The following URGCP variants were observed in gnomAD, a reference collection of about 807,000 sequenced individuals.
URGCP encodes up-regulator of cell proliferation.
Under a neutral mutation model 24.6 loss-of-function variants are expected in URGCP, and 13 were observed. That is an observed-to-expected ratio of 0.53 (90% CI 0.34 to 0.84). The LOEUF is 0.84. URGCP is among the 40% of genes least tolerant of loss of function. The pLI, the probability that URGCP is intolerant of heterozygous loss-of-function variation, is 0.01. For synonymous variants in URGCP, 444 were observed against 487.2 expected (o/e 0.91, Z 1.17); for missense variants, 899 against 1,194.3 (o/e 0.75, Z 3.64).
exon 1 of URGCP, chr7:43,926,369 C>A: frequency 2.5e-6 from 1 of 405,314 alleles, no homozygotes; most frequent in Non-Finnish European, 3.7e-6. Flanking sequence ...TTCCCCTCGG[C>A]CGCGCCAGGA....
intron 1 of URGCP, among the ~76,000 whole-genome samples, chr7:43,897,847 G>A (rs544476063): frequency 6.6e-6 from 1 of 152,272 alleles, no homozygotes; most frequent in South Asian, 2.1e-4. Flanking sequence ...CATCTGTGAA[G>A]GACTGCAACA....
chr7:43,913,490 T>C (rs1013124171), intron 1 of URGCP, among the ~76,000 whole-genome samples: 27 of 152,094 alleles, frequency 1.8e-4, no homozygotes, highest in African/African-American at 6.5e-4. Flanking sequence ...AGTGCTGGGA[T>C]TATAGGCGTG....
upstream of URGCP, chr7:43,906,738 G>A (rs2095904068): frequency 6.0e-6 from 1 of 166,602 alleles, no homozygotes; most frequent in Non-Finnish European, 1.2e-5. Flanking sequence ...GGTCCTCTCG[G>A]AGCAGCCCGG....
intron 1 of URGCP, among the ~76,000 whole-genome samples, chr7:43,920,489 G>A (rs562310599): frequency 1.3e-5 from 2 of 152,298 alleles, no homozygotes; most frequent in African/African-American, 4.8e-5. Context: ...CTTGAACCTG[G>A]GAGGCGGAGG....
rs369206269 is a variant in URGCP, at chr7:43,877,462, C to A, written c.2001G>T (p.Thr667=). Residue 667 remains threonine, a synonymous_variant, in exon 6 of 6, where the codon ACG becomes ACT. Transcript: ENST00000453200. ...TGACCCAGCGGACGGGCATGCTCAGCGTGCTCCCATCGATTAGCTCCAGAG... is the reference window on the plus strand; with the variant it reads ...TGACCCAGCGGACGGGCATGCTCAGAGTGCTCCCATCGATTAGCTCCAGAG... The part of the protein sequence containing the change: ...GLPLELIDGS[T]LSMPVRWVTG... The A allele has an allele frequency of 1.9e-6, 3 of 1,613,546 alleles. No individual in the cohort carries two copies. In the East Asian group the frequency reaches 6.7e-5, roughly 36 times the overall value.
upstream of URGCP, chr7:43,926,637 A>T (rs2095931422): frequency 1.4e-6 from 2 of 1,407,656 alleles, no homozygotes; most frequent in South Asian, 2.9e-5. Flanking sequence ...GTGAAGTGAA[A>T]GGTGACGGAG....
At chr7:43,906,443 C>T (rs1415666670) in intron 1 of URGCP, 119 bp downstream of exon 1, 16 of 1,027,816 alleles carry the variant, frequency 1.6e-5, no homozygotes, top group Non-Finnish European at 3.5e-6. Flanking sequence ...GGCGGGGGCG[C>T]CCCTGGCCGG....
At chr7:43,919,664 C>G in intron 1 of URGCP, 1 of 1,374,188 alleles carries the variant, frequency 7.3e-7, no homozygotes, top group Non-Finnish European at 1.0e-6. Context: ...CCATCCTCAA[C>G]ACCATCCAGG....
At position 43,883,346 on chromosome 7, in the gene URGCP, ATATATATATATATATATTTT is replaced by A. The variant is rs1163664170; in HGVS notation, c.113-1409_113-1390del. 5.2e-3 allele frequency among the ~76,000 whole-genome samples: 496 copies of A among 95,912 alleles called. 3 individuals carry two copies. Among genetic ancestry groups the A allele is most frequent in the African/African-American group, 0.029 (475 of 16,282 alleles). The allele number at this position is 95,912 out of a possible 152,430, so 62.9% of individuals were successfully genotyped here. ...AATATATATATATATACATATATAT[ATATATATATATATATATTTT>A]TTTTTTTTTTTTGAGATGGAGTCTT... is the stretch of plus-strand genomic sequence containing the variant. On this transcript the variant is annotated intron_variant, in intron 3 of 5. Transcript: ENST00000453200.
intron 3 of URGCP, chr7:43,882,163 G>A (rs1320853377): frequency 1.4e-6 from 1 of 690,698 alleles, no homozygotes; most frequent in Non-Finnish European, 2.2e-6. Flanking sequence ...ATTAGGCCAG[G>A]CATGGTGGCT....
At chr7:43,893,951 C>G (rs2095874750) in intron 1 of URGCP, among the ~76,000 whole-genome samples, 1 of 151,978 alleles carries the variant, frequency 6.6e-6, no homozygotes, top group African/African-American at 2.4e-5. Context: ...AGTAGCTATA[C>G]TTAGACAAAA....
At chr7:43,883,640 C>G (rs182789001) in intron 3 of URGCP, among the ~76,000 whole-genome samples, 1 of 151,974 alleles carries the variant, frequency 6.6e-6, no homozygotes, top group Non-Finnish European at 1.5e-5. Context: ...GGATTACAGG[C>G]GTGAGCCACC....
Position 43,914,696 on chromosome 7 carries a change from A to G in URGCP, c.-116+11436T>C, listed in dbSNP as rs11974305. 2.2e-3 allele frequency among the ~76,000 whole-genome samples: 339 copies of G among 152,294 alleles called. 2 individuals carry two copies. The highest frequency in any genetic ancestry group is 8.7e-3 in the East Asian group (45 of 5,180). ...CAGATTTGGTAATTTCCATTGTTCT[A>G]TCTCCAAGTTCACAGATTCTTTTCT... On this transcript the variant is annotated intron_variant, in intron 1 of 5. Transcript: ENST00000426198.
At position 43,887,438 on chromosome 7, in the gene URGCP, C is replaced by T; in HGVS notation, c.89G>A (p.Arg30Lys). Residue 30 changes from arginine to lysine, a missense_variant, in exon 3 of 6, where the codon AGA (arginine) becomes AAA (lysine). Physicochemically the swap from Arg to Lys is conservative, Grantham distance 26. Transcript: ENST00000453200. ...EVAPEIKASERRTAVAIADLE... is the reference protein window; with the variant it reads ...EVAPEIKASEKRTAVAIADLE... ...ACCTGCAATGGCCACAGCTGTTCGT[C>T]TCTCTGATGCTTTTATTTCTGGGGC... The T allele has an allele frequency of 6.2e-7, 1 of 1,613,938 alleles. No homozygotes were observed.
intron 1 of URGCP, among the ~76,000 whole-genome samples, chr7:43,892,030 C>T (rs2095871542): frequency 6.6e-6 from 1 of 152,174 alleles, no homozygotes; most frequent in African/African-American, 2.4e-5. Context: ...TCAGGCCTGC[C>T]TTGGCCTCCC....
rs76285828 is a variant in URGCP, at chr7:43,885,704, C to T, written c.112+1711G>A. 4.9e-3 allele frequency among the ~76,000 whole-genome samples: 746 copies of T among 152,284 alleles called. 2 individuals are homozygous for T. The highest frequency in any genetic ancestry group is 8.9e-3 in the Non-Finnish European group (603 of 68,026). On this transcript the variant is annotated intron_variant, in intron 3 of 5. Coordinates refer to ENST00000453200, the MANE Select transcript of URGCP (RefSeq NM_001077663.3). ...ACAATAAGCATCCAATAAGGCCATT[C>T]CCTCTCCTCGCCCCATCCCCATGCT...
At chr7:43,905,380 T>A (rs2095899266) in intron 1 of URGCP, among the ~76,000 whole-genome samples, 1 of 152,070 alleles carries the variant, frequency 6.6e-6, no homozygotes, top group African/African-American at 2.4e-5. Flanking sequence ...ACTCTATTCA[T>A]GAGCTCAAAG....
rs145553738 is a variant in URGCP at position 43,920,067 on chromosome 7, A to G, written c.-116+6065T>C. On this transcript the variant is annotated intron_variant, in intron 1 of 5. Coordinates refer to the URGCP transcript ENST00000426198. ...GGCACCCAGGAGCAGTGAGTCCCCT[A>G]GGACAGGGACCCTCATCTGCCTTAC... 14 of 1,283,940 alleles carry G rather than the reference A, an allele frequency of 1.1e-5. No individual in the cohort carries two copies. In the African/African-American group the frequency reaches 1.8e-4, roughly 16 times the overall value. The allele number at this position is 1,283,940 out of a possible 1,614,324, so 79.5% of individuals were successfully genotyped here.
upstream of URGCP, chr7:43,926,493 GCCCCGGCCGGGCCGCCCGGGT>G (rs1217398058): frequency 2.0e-6 from 3 of 1,483,814 alleles, no homozygotes; most frequent in Non-Finnish European, 2.7e-6. Flanking sequence ...GCCTCAGGCA[GCCCCGGCCGGGCCGCCCGGGT>G]CCCCGGCAGC....
Sources: gnomAD v4.1 joint callset for allele counts (sites outside exome capture counted in the v4.1 genomes callset) on GRCh38, gnomAD v4.1.1 for gene constraint, MANE v1.5 for transcripts, NCBI Gene and HGNC (gene_info 2026-07-23, HGNC 2026-07-21) for gene names.